PGBD1: variants seen among roughly 807,000 people sequenced by gnomAD.
The protein encoded by PGBD1 is piggyBac transposable element derived 1, also known as piggyBac transposable element-derived protein 1.
In PGBD1, 25 loss-of-function variants were observed where a neutral mutation model predicts 34.7. The ratio of observed to expected loss-of-function variants is 0.72; its 90% CI spans 0.52 to 1.00. PGBD1 has a LOEUF of 1.00. Ranked by LOEUF, PGBD1 falls within the 50% of genes least tolerant of loss-of-function variation. PGBD1 has a pLI of 0.00. For synonymous variants in PGBD1, 292 were observed against 335.7 expected (o/e 0.87, Z 1.42); for missense variants, 830 against 959.4 (o/e 0.87, Z 1.78).
intron 4 of PGBD1, among the ~76,000 whole-genome samples, chr6:28,295,403 G>C (rs1034210636): frequency 6.6e-6 from 1 of 152,124 alleles, no homozygotes; most frequent in Non-Finnish European, 1.5e-5. Flanking sequence ...TCTACTCTGG[G>C]TAAAATGCTA....
chr6:28,302,254 C>T lies in PGBD1; in HGVS notation c.2400C>T (p.Tyr800=). Residue 800 remains tyrosine (Y), a synonymous_variant, in exon 7 of 7, where the codon TAC becomes TAT. Coordinates refer to ENST00000682144, the MANE Select transcript of PGBD1 (RefSeq NM_032507.4). ...LDFRRFVAHF[Y]LEHNAHLSD Reference sequence around the variant, plus strand: ...TTCGGAGATTTGTTGCACATTTCTACTTGGAACACAATGCTCATCTGTCAG... The same window carrying T: ...TTCGGAGATTTGTTGCACATTTCTATTTGGAACACAATGCTCATCTGTCAG... 1 of 1,613,434 alleles carries T rather than the reference C, an allele frequency of 6.2e-7. No individual in the cohort carries two copies. The highest frequency in any genetic ancestry group is 8.5e-7 in the Non-Finnish European group (1 of 1,179,438).
At position 28,300,614 on chromosome 6, in the gene PGBD1, TC is replaced by T. The variant is rs1334034790; in HGVS notation, c.870-104del. ...GAAACTTAAGAGAAATAAGTAAGTA[TC>T]CCCCCACACCCACCCCAAGCCCCAA... On this transcript the variant is annotated intron_variant, in intron 6 of 6. Transcript: ENST00000682144. The surrounding 1 kb of genome is among the most constrained non-coding windows in gnomAD (Gnocchi z 4.0). 4.0e-6 allele frequency: 5 copies of T among 1,246,996 alleles called. No individual in the cohort carries two copies. The highest frequency in any genetic ancestry group is 1.5e-5 in the African/African-American group (1 of 65,068). The allele number at this position is 1,246,996 out of a possible 1,614,324, so 77.2% of individuals were successfully genotyped here.
intron 2 of PGBD1, 151 bp from the exon 3 acceptor site, chr6:28,285,400 T>G: frequency 4.3e-6 from 3 of 696,060 alleles, no homozygotes; most frequent in Non-Finnish European, 4.5e-6. Flanking sequence ...AACATCCACT[T>G]GTTTGTTGTT....
intron 1 of PGBD1, among the ~76,000 whole-genome samples, chr6:28,283,567 C>T (rs559697316): frequency 1.2e-4 from 18 of 152,316 alleles, no homozygotes; most frequent in African/African-American, 4.3e-4. Context: ...TGTCCTACAT[C>T]CCTTACCTTT....
intron 4 of PGBD1, among the ~76,000 whole-genome samples, chr6:28,289,632 G>A (rs1762387754): frequency 6.6e-6 from 1 of 152,192 alleles, no homozygotes; most frequent in Admixed American, 6.5e-5. Context: ...GGACACAGTG[G>A]CTCATGCCTG....
Position 28,301,853 on chromosome 6 carries a change from A to G in PGBD1, c.1999A>G (p.Lys667Glu). Residue 667 changes from lysine (K) to glutamate (E), a missense_variant, in exon 7 of 7, where the codon AAA (lysine) becomes GAA (glutamate). Physicochemically the swap from Lys to Glu is moderately conservative, Grantham distance 56. Around this residue, in one of 3 missense-constraint regions of PGBD1, gnomAD observed 372 missense variants for 427.9 expected, o/e 0.87. Coordinates refer to ENST00000682144, the MANE Select transcript of PGBD1 (RefSeq NM_032507.4). ...KCPLMNVEHM[K>E]KMKRGYFDFR... ...TCCCCTTATGAATGTAGAACATATG[A>G]AAAAAATGAAGAGAGGGTATTTTGA... 6.2e-7 allele frequency: 1 copy of G among 1,614,104 alleles called. No individual in the cohort carries two copies. Among genetic ancestry groups the G allele is most frequent in the Admixed American group, 1.7e-5 (1 of 60,022 alleles).
intron 4 of PGBD1, among the ~76,000 whole-genome samples, chr6:28,296,467 A>AT (rs745807474): frequency 1.3e-5 from 2 of 152,186 alleles, no homozygotes; most frequent in Non-Finnish European, 2.9e-5. Flanking sequence ...GTATCATCCT[A>AT]TAAAAACTCT....
rs754962947 is a variant in PGBD1 at position 28,301,096 on chromosome 6, C to T, written c.1242C>T (p.Ser414=). The T allele has an allele frequency of 6.2e-5, 100 of 1,613,922 alleles. 1 individual carries two copies. The highest frequency in any genetic ancestry group is 4.6e-4 in the South Asian group (42 of 91,072). The change falls in exon 7 of 7, where the codon AGC becomes AGT. Residue 414 remains serine, a synonymous_variant. Coordinates refer to ENST00000682144, the MANE Select transcript of PGBD1 (RefSeq NM_032507.4). The stretch of plus-strand genomic sequence containing the variant: ...ATTCTGGACTTTTGAATCTCAAGAG[C>T]GAAAAGTTGAACCCAGTAGAGCTTT... ...ALDSGLLNLK[S]EKLNPVELFE...
At chr6:28,289,206 A>G (rs2113746853) in intron 4 of PGBD1, among the ~76,000 whole-genome samples, 1 of 152,298 alleles carries the variant, frequency 6.6e-6, no homozygotes, top group Middle Eastern at 3.4e-3. Context: ...AGCAAGAGAC[A>G]AGAAACAAAT....
intron 4 of PGBD1, among the ~76,000 whole-genome samples, chr6:28,289,423 C>A (rs1234990283): frequency 2.0e-5 from 3 of 152,168 alleles, no homozygotes; most frequent in African/African-American, 7.2e-5. Context: ...ACACATCTTA[C>A]AAGAAATGCT....
At chr6:28,296,044 G>A (rs966629315) in intron 4 of PGBD1, among the ~76,000 whole-genome samples, 5 of 152,172 alleles carry the variant, frequency 3.3e-5, no homozygotes, top group African/African-American at 1.2e-4. Context: ...AGAAAATCAA[G>A]AGGCTAATGA....
At chr6:28,294,267 C>G (rs946316788) in intron 4 of PGBD1, among the ~76,000 whole-genome samples, 4 of 152,140 alleles carry the variant, frequency 2.6e-5, no homozygotes, top group Admixed American at 2.6e-4. Context: ...GAAGAATAAT[C>G]GGAAGCTAGC....
intron 4 of PGBD1, among the ~76,000 whole-genome samples, chr6:28,293,776 C>G (rs1318671828): frequency 6.6e-6 from 1 of 152,198 alleles, no homozygotes; most frequent in Non-Finnish European, 1.5e-5. Context: ...TGTGTCCTGA[C>G]TCCTCCATTG....
In PGBD1 at chr6:28,296,730, C is replaced by G. The variant is rs1037025315; in HGVS notation, c.643-86C>G. 4.6e-5 allele frequency: 68 copies of G among 1,481,968 alleles called. 1 individual carries two copies. In the South Asian group the frequency reaches 8.0e-4, roughly 17 times the overall value. The allele number at this position is 1,481,968 out of a possible 1,614,324, so 91.8% of individuals were successfully genotyped here. ...GCCCTGAGGGGCTGGGACTACCGGT[C>G]TACAGCGTGGTATTCAACACCCTTC... On this transcript the variant is annotated intron_variant, in intron 4 of 6. Transcript: ENST00000682144.
intron 6 of PGBD1, among the ~76,000 whole-genome samples, chr6:28,298,815 C>T (rs1215722279): frequency 2.0e-5 from 3 of 151,904 alleles, no homozygotes; most frequent in African/African-American, 4.8e-5. Context: ...CCCAACATTC[C>T]GAGGCTTCTC....
chr6:28,296,970 C>T (rs1479035983), intron 5 of PGBD1, 25 bp downstream of exon 5: 2 of 1,612,566 alleles, frequency 1.2e-6, no homozygotes, highest in African/African-American at 2.7e-5. Context: ...CTGGCTGGAC[C>T]CCTGTCTGGA....
chr6:28,287,162 G>C lies in PGBD1; in HGVS notation c.636G>C (p.Arg212Ser). 1 of 1,612,334 alleles carries C rather than the reference G, an allele frequency of 6.2e-7. No individual in the cohort carries two copies. The highest frequency in any genetic ancestry group is 1.3e-5 in the African/African-American group (1 of 74,964). ...KAVVPVFNPV[R>S]SQTLVKTEEE... ...TAGTGCCTGTGTTTAACCCAGTCAG[G>C]TCCCAGGTAAGTAGGATGCCCAAGC... is the stretch of plus-strand genomic sequence containing the variant. The change falls in exon 4 of 7, where the codon AGG (arginine) becomes AGC (serine). Residue 212 changes from arginine (R) to serine (S), a missense_variant. Around this residue, in one of 3 missense-constraint regions of PGBD1, gnomAD observed 457 missense variants for 515.4 expected, o/e 0.89. Transcript: ENST00000682144.
rs143914040 is a variant in PGBD1, at chr6:28,302,039, G to C, written c.2185G>C (p.Val729Leu). The stretch of plus-strand genomic sequence containing the variant: ...CCCTCAGATAAGTCAACCATCCATA[G>C]TAAAAGTGTATGATGAATGCAAGGA... ...EIPQISQPSI[V>L]KVYDECKEGV... The change falls in exon 7 of 7, where the codon GTA (valine) becomes CTA (leucine). Residue 729 changes from valine (V) to leucine (L), a missense_variant. Around this residue, in one of 3 missense-constraint regions of PGBD1, gnomAD observed 372 missense variants for 427.9 expected, o/e 0.87. Transcript: ENST00000682144. The C allele has an allele frequency of 1.2e-6, 2 of 1,614,054 alleles. No individual in the cohort carries two copies. Among genetic ancestry groups the C allele is most frequent in the African/African-American group, 1.3e-5 (1 of 74,910 alleles).
chr6:28,288,903 G>T (rs1485783031), intron 4 of PGBD1, among the ~76,000 whole-genome samples: 1 of 152,002 alleles, frequency 6.6e-6, no homozygotes, highest in Non-Finnish European at 1.5e-5. Flanking sequence ...CAGGAGAATC[G>T]CTTGAACCTG....
Sources: allele counts gnomAD v4.1 joint callset (sites outside exome capture counted in the v4.1 genomes callset), GRCh38; gene constraint gnomAD v4.1.1; regional missense constraint gnomAD v4.1.1; non-coding constraint Gnocchi (gnomAD v3.1); transcripts MANE v1.5; gene names NCBI Gene and HGNC (gene_info 2026-07-23, HGNC 2026-07-21).